The following CREBBP variants were observed in gnomAD, a reference collection of about 807,000 sequenced individuals.
CREBBP encodes CREB binding lysine acetyltransferase.
Under a neutral mutation model 265.0 loss-of-function variants are expected in CREBBP, and 19 were observed. The ratio of observed to expected loss-of-function variants is 0.07; its 90% CI spans 0.05 to 0.11. The LOEUF (loss-of-function observed/expected upper bound fraction) is 0.11, where lower values mean the gene tolerates loss of function less well. Among genes scored for constraint, CREBBP ranks in the 10% least tolerant of loss-of-function variants. The pLI is 1.00. For missense variants in CREBBP, 2,525 were observed against 3,219.0 expected, an observed-to-expected ratio of 0.78 and a Z score of 5.22; for synonymous variants, 1,457 against 1,223.7, an observed-to-expected ratio of 1.19 and a Z score of -3.98.
In CREBBP at chr16:3,729,716, C is replaced by T. The variant is rs750321848; in HGVS notation, c.5331G>A (p.Gln1777=). Residue 1777 remains glutamine (Q), a synonymous_variant, in exon 31 of 31, where the codon CAG becomes CAA. Transcript: ENST00000262367. ...GGCACTGGCACGCGTGCACCAGCGA[C>T]TGGATGCAGCGCTGGATGCTCAGCC... ...SRRLSIQRCI[Q]SLVHACQCRN... The T allele has an allele frequency of 6.2e-7, 1 of 1,611,168 alleles. No homozygotes were observed. Among genetic ancestry groups the T allele is most frequent in the South Asian group, 1.1e-5 (1 of 91,020 alleles).
chr16:3,879,201 G>T (rs2055466598), intron 1 of CREBBP, among the ~76,000 whole-genome samples: 1 of 149,616 alleles, frequency 6.7e-6, no homozygotes, highest in Admixed American at 6.8e-5. Context: ...TTTGAAAAAT[G>T]GAATGACTAG....
At chr16:3,740,860 G>A in intron 23 of CREBBP, 1 of 408,636 alleles carries the variant, frequency 2.4e-6, no homozygotes, top group Non-Finnish European at 4.6e-6. Flanking sequence ...CTAGGGCGGA[G>A]CAGATGGATG....
At chr16:3,775,478 T>C (rs2053115331) in intron 11 of CREBBP, among the ~76,000 whole-genome samples, 1 of 152,146 alleles carries the variant, frequency 6.6e-6, no homozygotes. Context: ...ACAGAACCCT[T>C]TAGAGAATTT....
At chr16:3,869,354 A>G (rs896120582) in intron 1 of CREBBP, among the ~76,000 whole-genome samples, 1 of 152,242 alleles carries the variant, frequency 6.6e-6, no homozygotes, top group Non-Finnish European at 1.5e-5. Flanking sequence ...TATTTTCTAA[A>G]TTAGTGAATA....
In CREBBP at chr16:3,727,672, A is replaced by G; in HGVS notation, c.*46T>C. Reference sequence around the variant, plus strand: ...ACCTAGATGCCTGGATTTTCAGTACAAAAGGTCCAAGAACATGAAAGGGAA... The same window carrying G: ...ACCTAGATGCCTGGATTTTCAGTACGAAAGGTCCAAGAACATGAAAGGGAA... On this transcript the variant is annotated 3_prime_UTR_variant, in exon 31 of 31. Coordinates refer to ENST00000262367, the MANE Select transcript of CREBBP (RefSeq NM_004380.3). 6.2e-7 allele frequency: 1 copy of G among 1,613,412 alleles called. No homozygotes were observed. Among genetic ancestry groups the G allele is most frequent in the Non-Finnish European group, 8.5e-7 (1 of 1,179,998 alleles).
Position 3,736,182 on chromosome 16 carries a change from C to T in CREBBP, c.4582G>A (p.Glu1528Lys). 6.2e-7 allele frequency: 1 copy of T among 1,614,252 alleles called. No homozygotes were observed. Among genetic ancestry groups the T allele is most frequent in the Non-Finnish European group, 8.5e-7 (1 of 1,180,044 alleles). The change falls in exon 28 of 31, where the codon GAA (glutamate) becomes AAA (lysine). Residue 1528 changes from glutamate to lysine, a missense_variant. Physicochemically the swap from Glu to Lys is moderately conservative, Grantham distance 56. Coordinates refer to ENST00000262367, the MANE Select transcript of CREBBP (RefSeq NM_004380.3). ...TCCTTGGCACTGGTGAGCCTGTCTT[C>T]AGTTGCTTGTTTGAAAATATCCTGA... Reference protein sequence around the residue: ...DYKDIFKQATEDRLTSAKELP... With the variant: ...DYKDIFKQATKDRLTSAKELP...
chr16:3,755,745 T>C (rs115408435), intron 19 of CREBBP, among the ~76,000 whole-genome samples: 10 of 152,310 alleles, frequency 6.6e-5, no homozygotes, highest in African/African-American at 2.2e-4. Context: ...AATGTTTCTA[T>C]TGATAAAGGG....
At chr16:3,815,550 A>ATTT (rs1166085466) in intron 2 of CREBBP, among the ~76,000 whole-genome samples, 1 of 134,834 alleles carries the variant, frequency 7.4e-6, no homozygotes, top group Non-Finnish European at 1.6e-5. Context: ...AAAAAAAAAA[A>ATTT]TTTTTTTTTT....
intron 2 of CREBBP, among the ~76,000 whole-genome samples, chr16:3,825,615 A>C (rs1343429152): frequency 6.6e-6 from 1 of 152,196 alleles, no homozygotes; most frequent in Non-Finnish European, 1.5e-5. Context: ...AATGAGATCT[A>C]CATCACAGTT....
intron 5 of CREBBP, among the ~76,000 whole-genome samples, chr16:3,785,202 C>T (rs1348649079): frequency 2.6e-5 from 4 of 152,186 alleles, no homozygotes; most frequent in Non-Finnish European, 5.9e-5. Flanking sequence ...CCTCAAGGTG[C>T]TCCAAGTGCT....
Position 3,850,429 on chromosome 16 carries a change from A to G in CREBBP, c.666T>C (p.Ala222=), listed in dbSNP as rs772743817. 4.3e-6 allele frequency: 7 copies of G among 1,614,058 alleles called. No individual in the cohort carries two copies. Among genetic ancestry groups the G allele is most frequent in the African/African-American group, 1.3e-5 (1 of 74,910 alleles). Residue 222 remains alanine, a synonymous_variant, in exon 2 of 31, where the codon GCT becomes GCC. Transcript: ENST00000262367. ...TGGCTGGAGTAGGGTACGGCATTCCAGCTCCCCTTCCTCTGCCAGCAGCCC... is the reference window on the plus strand; with the variant it reads ...TGGCTGGAGTAGGGTACGGCATTCCGGCTCCCCTTCCTCTGCCAGCAGCCC... The part of the protein sequence containing the change: ...SLGAAGRGRG[A]GMPYPTPAMQ...
chr16:3,736,862 G>A (rs374259574), intron 26 of CREBBP, 47 bp from the exon 27 acceptor site: 13 of 1,611,314 alleles, frequency 8.1e-6, no homozygotes, highest in South Asian at 7.7e-5. Context: ...CAGTGAAATC[G>A]GCCCTGCCTT....
intron 2 of CREBBP, among the ~76,000 whole-genome samples, chr16:3,830,877 G>T (rs1444425310): frequency 1.6e-4 from 25 of 152,106 alleles, no homozygotes; most frequent in Admixed American, 1.6e-3. Flanking sequence ...TACCTCCTGG[G>T]GTGAAGCGAT....
rs181800421 is a variant in CREBBP at position 3,796,236 on chromosome 16, T to C, written c.976-2610A>G. Among the ~76,000 whole-genome samples the C allele has an allele frequency of 7.5e-3, 1,137 of 152,296 alleles. 9 individuals are homozygous for C. The highest frequency in any genetic ancestry group is 0.012 in the Non-Finnish European group (841 of 68,036). ...CCAACAATTAACACACTGATTTCAT[T>C]TGGGACTTAAAAATATTCTTTTTTT... On this transcript the variant is annotated intron_variant, in intron 3 of 30. Coordinates refer to ENST00000262367, the MANE Select transcript of CREBBP (RefSeq NM_004380.3).
intron 2 of CREBBP, among the ~76,000 whole-genome samples, chr16:3,832,124 A>C (rs2054355225): frequency 6.6e-6 from 1 of 152,206 alleles, no homozygotes; most frequent in Non-Finnish European, 1.5e-5. Flanking sequence ...AAATTAGCAC[A>C]AGAAGCAGAA....
intron 5 of CREBBP, among the ~76,000 whole-genome samples, chr16:3,786,280 C>T (rs758414400): frequency 3.9e-5 from 6 of 152,096 alleles, no homozygotes; most frequent in African/African-American, 1.2e-4. Flanking sequence ...GCAGGAGAAC[C>T]GCTTGAACCT....
chr16:3,734,873 C>G (rs897265219), intron 28 of CREBBP, among the ~76,000 whole-genome samples: 2 of 152,192 alleles, frequency 1.3e-5, no homozygotes, highest in Non-Finnish European at 2.9e-5. Flanking sequence ...GGGACAGGCA[C>G]CAGAGTGGCA....
rs569882574 is a variant in CREBBP at position 3,852,167 on chromosome 16, T to G, written c.86-1158A>C. Among the ~76,000 whole-genome samples, 30 of 110,740 alleles carry G rather than the reference T, an allele frequency of 2.7e-4. 1 individual carries two copies. The South Asian group carries it at 5.3e-3, about 19-fold the overall frequency. 72.6% of individuals were successfully genotyped at this position (110,740 alleles called of 152,430 possible). ...GCCAATCTTAAATTTGTTTTTTTTT[T>G]TTTTTTTTTTTTTTTGAGACAGAGT... On this transcript the variant is annotated intron_variant, in intron 1 of 30. Coordinates refer to ENST00000262367, the MANE Select transcript of CREBBP (RefSeq NM_004380.3).
chr16:3,802,987 A>G (rs1398551346), intron 3 of CREBBP, among the ~76,000 whole-genome samples: 3 of 152,104 alleles, frequency 2.0e-5, no homozygotes, highest in Admixed American at 6.5e-5. Flanking sequence ...CTGGGTATGC[A>G]AAGCTGTGGC....
Sources: gnomAD v4.1 joint callset for allele counts (sites outside exome capture counted in the v4.1 genomes callset) on GRCh38, gnomAD v4.1.1 for gene constraint, MANE v1.5 for transcripts, NCBI Gene and HGNC (gene_info 2026-07-23, HGNC 2026-07-21) for gene names.